KCNAB2: variants seen among roughly 807,000 people sequenced by gnomAD.
KCNAB2 encodes the protein voltage-gated potassium channel subunit beta-2.
Under a neutral mutation model 63.6 loss-of-function variants are expected in KCNAB2, and 29 were observed. The observed-to-expected ratio is 0.46, with a 90% CI of 0.34 to 0.62. The LOEUF (loss-of-function observed/expected upper bound fraction) is 0.62, where lower values mean the gene tolerates loss of function less well. KCNAB2 is among the 20% of genes least tolerant of loss of function. The pLI is 0.01. For synonymous variants in KCNAB2, 222 were observed against 224.2 expected (o/e 0.99, Z 0.09); for missense variants, 359 against 563.9 (o/e 0.64, Z 3.68).
intron 7 of KCNAB2, 136 bp from the exon 8 acceptor site, chr1:6,088,872 C>A (rs906879599): frequency 5.8e-5 from 48 of 825,674 alleles, no homozygotes; most frequent in African/African-American, 1.0e-4. Flanking sequence ...GTCCCTACCC[C>A]CAAAGTGGAA....
At chr1:6,093,737 C>T (rs1029255655) in intron 10 of KCNAB2, among the ~76,000 whole-genome samples, 4 of 152,234 alleles carry the variant, frequency 2.6e-5, no homozygotes, top group Admixed American at 2.6e-4. Flanking sequence ...TGGCCTGGTG[C>T]TGGGCTGGTT....
chr1:6,097,584 G>A lies in KCNAB2; in HGVS notation c.1158+227G>A, dbSNP rs548567855. On this transcript the variant is annotated intron_variant, in intron 15 of 15. Coordinates refer to ENST00000378083, the MANE Select transcript of KCNAB2 (RefSeq NM_001199862.2). ...AGAATGTGTGTCAGGGTGGACGAGC[G>A]CTGTAGGAGAGAAGCCAGAGATAAA... The A allele has an allele frequency of 9.8e-5, 73 of 747,788 alleles. 1 individual carries two copies. Among genetic ancestry groups the A allele is most frequent in the African/African-American group, 5.8e-4 (33 of 57,172 alleles). 46.3% of individuals were successfully genotyped at this position (747,788 alleles called of 1,614,324 possible).
At chr1:6,081,027 G>A (rs1664164545) in intron 4 of KCNAB2, among the ~76,000 whole-genome samples, 1 of 152,178 alleles carries the variant, frequency 6.6e-6, no homozygotes, top group African/African-American at 2.4e-5. Context: ...GAAGCTCAGG[G>A]GCACCTTTCT....
intron 10 of KCNAB2, among the ~76,000 whole-genome samples, chr1:6,092,664 T>A (rs976020635): frequency 1.3e-5 from 2 of 152,204 alleles, no homozygotes; most frequent in Admixed American, 1.3e-4. Flanking sequence ...CCTGGGACCC[T>A]CTAGGTTCTC....
At chr1:6,095,729 T>G in intron 13 of KCNAB2, 105 bp downstream of exon 13, 3 of 1,076,664 alleles carry the variant, frequency 2.8e-6, no homozygotes, top group Non-Finnish European at 1.4e-6. Context: ...TTCCGGGAGC[T>G]GCAGCTGTTC....
rs772113319 is a variant in KCNAB2, at chr1:6,093,344, G to A, written c.647-1056G>A. Among the ~76,000 whole-genome samples, 10 of 152,208 alleles carry A rather than the reference G, an allele frequency of 6.6e-5. No individual in the cohort carries two copies. The South Asian group carries it at 8.3e-4, about 13-fold the overall frequency. On this transcript the variant is annotated intron_variant, in intron 10 of 15. Coordinates refer to ENST00000378083, the MANE Select transcript of KCNAB2 (RefSeq NM_001199862.2). Reference sequence around the variant, plus strand: ...GAGAAGCCTAGCGCCATAGTCCCTCGCCCTGCAAAGCTCAGAGGCTTCTGA... The same window carrying A: ...GAGAAGCCTAGCGCCATAGTCCCTCACCCTGCAAAGCTCAGAGGCTTCTGA...
intron 1 of KCNAB2, among the ~76,000 whole-genome samples, chr1:6,013,489 G>A (rs1233434740): frequency 2.6e-5 from 4 of 152,138 alleles, no homozygotes; most frequent in Non-Finnish European, 4.4e-5. Flanking sequence ...AGCCCTGTCA[G>A]AGGACAGCAC....
intron 6 of KCNAB2, chr1:6,085,984 C>T: frequency 6.1e-6 from 6 of 985,508 alleles, no homozygotes; most frequent in Non-Finnish European, 7.2e-6. Flanking sequence ...CCACCCTTCT[C>T]TCCCAGGAGC....
At chr1:6,023,939 AT>A (rs5772216) in intron 1 of KCNAB2, among the ~76,000 whole-genome samples, 58,861 of 141,246 alleles carry the variant, frequency 0.42, 12,081 homozygotes, top group Non-Finnish European at 0.45. Flanking sequence ...TGAATGACTA[AT>A]TTTTTTTTTT....
intron 2 of KCNAB2, chr1:6,040,697 G>A (rs753537552): frequency 4.0e-5 from 48 of 1,198,788 alleles, no homozygotes; most frequent in Non-Finnish European, 5.3e-5. Context: ...GTCCTGCTTC[G>A]AGGACGGGTT....
intron 8 of KCNAB2, 57 bp from the exon 9 acceptor site, chr1:6,090,331 AG>A: frequency 8.0e-7 from 1 of 1,254,248 alleles, no homozygotes; most frequent in South Asian, 1.2e-5. Context: ...GGATGGGCCC[AG>A]GTGCCTGTGG....
chr1:6,052,388 T>G lies in KCNAB2; in HGVS notation c.218+634T>G, dbSNP rs546936221. ...CTGCAGTGAGCCGTGATCGCACCAC[T>G]GCACTCCAGGCTGGGTGACAGAGCG... On this transcript the variant is annotated intron_variant, in intron 2 of 15. Coordinates refer to ENST00000378083, the MANE Select transcript of KCNAB2 (RefSeq NM_001199862.2). 7.5e-4 allele frequency among the ~76,000 whole-genome samples: 113 copies of G among 151,056 alleles called. 1 individual carries two copies. Among genetic ancestry groups the G allele is most frequent in the Admixed American group, 3.7e-3 (56 of 15,180 alleles).
intron 1 of KCNAB2, among the ~76,000 whole-genome samples, chr1:5,998,032 A>C (rs763457497): frequency 4.6e-5 from 7 of 152,224 alleles, no homozygotes; most frequent in Non-Finnish European, 1.0e-4. Flanking sequence ...AGACGGGGGC[A>C]GTGGGGACAT....
chr1:6,038,458 T>A (rs1000828188), intron 1 of KCNAB2, among the ~76,000 whole-genome samples: 1 of 152,068 alleles, frequency 6.6e-6, no homozygotes, highest in Non-Finnish European at 1.5e-5. Context: ...GCCCAGCTAA[T>A]TTTTTTATTT....
chr1:6,052,822 C>T (rs1181245488), intron 2 of KCNAB2, among the ~76,000 whole-genome samples: 1 of 152,106 alleles, frequency 6.6e-6, no homozygotes, highest in Non-Finnish European at 1.5e-5. Flanking sequence ...TAAATACGTT[C>T]CATGCAATAT....
chr1:6,059,986 C>A (rs115266046), intron 2 of KCNAB2, among the ~76,000 whole-genome samples: 2 of 152,210 alleles, frequency 1.3e-5, no homozygotes, highest in Non-Finnish European at 2.9e-5. Context: ...GGGCAAGGCT[C>A]ACATGTCCTG....
In KCNAB2 at chr1:6,069,361, C is replaced by G. The variant is rs892970148; in HGVS notation, c.219-3394C>G. Among the ~76,000 whole-genome samples the G allele has an allele frequency of 2.0e-5, 3 of 152,172 alleles. No individual in the cohort carries two copies. Among genetic ancestry groups the G allele is most frequent in the South Asian group, 2.1e-4 (1 of 4,826 alleles). On this transcript the variant is annotated intron_variant, in intron 2 of 15. Coordinates refer to ENST00000378083, the MANE Select transcript of KCNAB2 (RefSeq NM_001199862.2). The surrounding 1 kb of genome is among the most constrained non-coding windows in gnomAD (Gnocchi z 5.4). ...TAAAATGACCTGTCATTTCCCGGAG[C>G]CTTCCAGCTCCGGCCCTTCCCAAGT...
chr1:6,023,939 ATT>A (rs5772216), intron 1 of KCNAB2, among the ~76,000 whole-genome samples: 75 of 141,444 alleles, frequency 5.3e-4, no homozygotes, highest in Non-Finnish European at 5.8e-4. Context: ...TGAATGACTA[ATT>A]TTTTTTTTTT....
chr1:6,088,956 C>T (rs1290833540), intron 7 of KCNAB2, 52 bp from the exon 8 acceptor site: 31 of 1,526,606 alleles, frequency 2.0e-5, no homozygotes, highest in East Asian at 1.2e-4. Context: ...TTGGGAGGGG[C>T]CAGGGTGCCA....
Sources: gnomAD v4.1 joint callset for allele counts (sites outside exome capture counted in the v4.1 genomes callset) on GRCh38, gnomAD v4.1.1 for gene constraint, Gnocchi (gnomAD v3.1) non-coding constraint, MANE v1.5 for transcripts, NCBI Gene and HGNC (gene_info 2026-07-23, HGNC 2026-07-21) for gene names.